Variants in ENOX2 observed in about 807,000 individuals in gnomAD.
ENOX2 encodes APK1 antigen.
In ENOX2, 36 loss-of-function variants were observed where a neutral mutation model predicts 45.0. That is an observed-to-expected ratio of 0.80 (90% confidence interval 0.61 to 1.06). The LOEUF is 1.06. Among genes scored for constraint, ENOX2 ranks in the 50% least tolerant of loss-of-function variants. The probability of loss-of-function intolerance (pLI) is 0.00; values close to 1 mark genes in which losing one functional copy is unlikely to be tolerated. For synonymous variants in ENOX2, 174 were observed against 152.3 expected, an observed-to-expected ratio of 1.14 and a Z score of -1.05; for missense variants, 423 against 462.5, an observed-to-expected ratio of 0.91 and a Z score of 0.78.
chrX:130,675,788 A>T (rs1013066259), intron 6 of ENOX2, among the ~76,000 whole-genome samples: 3 of 111,687 alleles, frequency 2.7e-5, no homozygotes, highest in Non-Finnish European at 5.6e-5. Flanking sequence ...GGGATAACAG[A>T]CATATTCATT....
chrX:130,875,522 AT>A (rs1352389451), intron 2 of ENOX2, among the ~76,000 whole-genome samples: 3 of 111,751 alleles, frequency 2.7e-5, no homozygotes, highest in Non-Finnish European at 5.7e-5. Context: ...CCTTCAATTA[AT>A]TTTTGACAAG....
chrX:130,689,148 T>C (rs2037525254), intron 4 of ENOX2, 130 bp from the exon 5 acceptor site: 2 of 482,598 alleles, frequency 4.1e-6, no homozygotes. Flanking sequence ...GCATGGTACT[T>C]AGTATTCCCA....
chrX:130,637,128 A>G, intron 11 of ENOX2, 101 bp downstream of exon 11: 3 of 662,354 alleles, frequency 4.5e-6, no homozygotes, highest in Non-Finnish European at 7.4e-6. Flanking sequence ...CATCAAGAAG[A>G]ATAATAGGTT....
rs771376346 is a variant in ENOX2 at position 130,785,380 on chromosome X, C to A, written c.-182-1690G>T. On this transcript the variant is annotated intron_variant, in intron 2 of 14. Transcript: ENST00000394363. Reference sequence around the variant, plus strand: ...AATTATTATTTATAATAAAGAGTATCCTCTTGCTAATGTTTTCAGCCCACA... The same window carrying A: ...AATTATTATTTATAATAAAGAGTATACTCTTGCTAATGTTTTCAGCCCACA... Among the ~76,000 whole-genome samples, 4 of 110,145 alleles carry A rather than the reference C, an allele frequency of 3.6e-5. No homozygotes were observed. The South Asian group carries it at 1.6e-3, about 43-fold the overall frequency.
At position 130,903,198 on chromosome X, in the gene ENOX2, AC is replaced by A. The variant is rs1247443879; in HGVS notation, c.-381del. ...GCCCGCCTCGCGCTTCCAGGCCTAG[AC>A]CCGGCACTCTGGCCCAAGGCTGGAC... On this transcript the variant is annotated 5_prime_UTR_variant, in exon 1 of 15. Coordinates refer to ENST00000394363, the MANE Select transcript of ENOX2 (RefSeq NM_006375.4). 1 of 112,501 alleles carries A rather than the reference AC, an allele frequency of 8.9e-6. No individual in the cohort carries two copies. The highest frequency in any genetic ancestry group is 1.9e-5 in the Non-Finnish European group (1 of 53,181). The allele number at this position is 112,501 out of a possible 1,213,427, so 9.3% of individuals were successfully genotyped here.
At chrX:130,703,966 G>A (rs917170070) in intron 3 of ENOX2, among the ~76,000 whole-genome samples, 2 of 111,741 alleles carry the variant, frequency 1.8e-5, no homozygotes, top group Non-Finnish European at 3.8e-5. Flanking sequence ...AACACTTACT[G>A]TATGCCAGGT....
At chrX:130,673,489 A>C (rs771461766) in intron 6 of ENOX2, among the ~76,000 whole-genome samples, 14 of 110,075 alleles carry the variant, frequency 1.3e-4, no homozygotes, top group Admixed American at 2.9e-4. Context: ...AAAAAAAAAA[A>C]CAGAACTTAG....
At chrX:130,755,578 TG>T (rs1225169333) in intron 3 of ENOX2, among the ~76,000 whole-genome samples, 4 of 110,613 alleles carry the variant, frequency 3.6e-5, no homozygotes, top group East Asian at 5.7e-4. Flanking sequence ...TGGGGTCACA[TG>T]TTTTTTTAAT....
At chrX:130,707,050 T>C (rs932381107) in intron 3 of ENOX2, among the ~76,000 whole-genome samples, 4 of 112,792 alleles carry the variant, frequency 3.5e-5, no homozygotes, top group Non-Finnish European at 7.5e-5. Context: ...TATCACTTAA[T>C]GGTGGAAAAG....
intron 6 of ENOX2, among the ~76,000 whole-genome samples, chrX:130,670,561 G>C (rs1226336321): frequency 9.0e-6 from 1 of 110,569 alleles, no homozygotes; most frequent in East Asian, 2.8e-4. Context: ...CCAAGGGCTG[G>C]GAAGAATGGA....
intron 2 of ENOX2, among the ~76,000 whole-genome samples, chrX:130,808,746 T>C (rs1004926658): frequency 1.8e-5 from 2 of 111,705 alleles, no homozygotes; most frequent in African/African-American, 6.5e-5. Context: ...AAAAAATCGT[T>C]TTGAGAATAA....
chrX:130,805,256 C>T (rs777124536), intron 2 of ENOX2, among the ~76,000 whole-genome samples: 1 of 112,036 alleles, frequency 8.9e-6, no homozygotes, highest in Non-Finnish European at 1.9e-5. Flanking sequence ...ACTGCTTTTC[C>T]ATATTTTCAG....
At chrX:130,647,951 T>TCC (rs1388460495) in intron 10 of ENOX2, among the ~76,000 whole-genome samples, 1 of 111,801 alleles carries the variant, frequency 8.9e-6, no homozygotes, top group African/African-American at 3.3e-5. Context: ...AGAAATCTAT[T>TCC]CCATTTGCAT....
intron 2 of ENOX2, among the ~76,000 whole-genome samples, chrX:130,870,640 A>T (rs992165472): frequency 3.6e-5 from 4 of 111,558 alleles, no homozygotes; most frequent in Non-Finnish European, 7.5e-5. Context: ...TACAAAGGTG[A>T]GGAAGTGCAG....
chrX:130,801,079 A>G (rs761355961), intron 2 of ENOX2, among the ~76,000 whole-genome samples: 3 of 112,543 alleles, frequency 2.7e-5, no homozygotes, highest in African/African-American at 9.7e-5. Flanking sequence ...TCACATAACT[A>G]TCTTTAAGTT....
At chrX:130,831,299 G>T (rs973573287) in intron 2 of ENOX2, among the ~76,000 whole-genome samples, 1 of 111,613 alleles carries the variant, frequency 9.0e-6, no homozygotes, top group South Asian at 3.8e-4. Flanking sequence ...ATGAGTTTTG[G>T]AGGAGACATT....
At chrX:130,735,831 T>C (rs768746876) in intron 3 of ENOX2, among the ~76,000 whole-genome samples, 1 of 111,401 alleles carries the variant, frequency 9.0e-6, no homozygotes, top group East Asian at 2.8e-4. Flanking sequence ...CATTGAAAGA[T>C]GCCAAGATAC....
intron 2 of ENOX2, among the ~76,000 whole-genome samples, chrX:130,855,463 A>G (rs2078291012): frequency 8.9e-6 from 1 of 111,932 alleles, no homozygotes; most frequent in South Asian, 3.7e-4. Flanking sequence ...CACATACTGC[A>G]CTCAAGGATT....
At chrX:130,668,988 G>A (rs905821860) in intron 7 of ENOX2, among the ~76,000 whole-genome samples, 6 of 111,853 alleles carry the variant, frequency 5.4e-5, no homozygotes, top group Admixed American at 9.5e-5. Context: ...CCTCTATTCT[G>A]GACTCTAGGT....
Sources: allele counts gnomAD v4.1 joint callset (sites outside exome capture counted in the v4.1 genomes callset), GRCh38; gene constraint gnomAD v4.1.1; transcripts MANE v1.5; gene names NCBI Gene and HGNC (gene_info 2026-07-23, HGNC 2026-07-21).